POU2F3: variants seen among roughly 807,000 people sequenced by gnomAD.
The protein encoded by POU2F3 is POU class 2 homeobox 3.
Under a neutral mutation model 59.2 loss-of-function variants are expected in POU2F3, and 23 were observed. The observed-to-expected ratio is 0.39, with a 90% confidence interval of 0.28 to 0.55. POU2F3 has a LOEUF of 0.55. Ranked by LOEUF, POU2F3 falls within the 20% of genes least tolerant of loss-of-function variation. The pLI is 0.66. For missense variants in POU2F3, 473 were observed against 544.5 expected, an observed-to-expected ratio of 0.87 and a Z score of 1.31; for synonymous variants, 190 against 214.6, an observed-to-expected ratio of 0.89 and a Z score of 1.00.
upstream of POU2F3, among the ~76,000 whole-genome samples, chr11:120,236,897 C>T (rs979419301): frequency 7.9e-5 from 12 of 152,200 alleles, no homozygotes; most frequent in Admixed American, 2.0e-4. Context: ...GTAGAAACGT[C>T]TCTGCTGAGC....
At chr11:120,287,485 G>C (rs539489848) in intron 3 of POU2F3, among the ~76,000 whole-genome samples, 1 of 152,262 alleles carries the variant, frequency 6.6e-6, no homozygotes, top group African/African-American at 2.4e-5. Context: ...CCTGGAACAG[G>C]TTTTCTAGAC....
At chr11:120,310,976 C>G (rs557863718) in intron 10 of POU2F3, among the ~76,000 whole-genome samples, 1 of 152,068 alleles carries the variant, frequency 6.6e-6, no homozygotes, top group African/African-American at 2.4e-5. Flanking sequence ...CAGGCTTCCC[C>G]GAGGAGATAA....
At chr11:120,283,938 T>G (rs74236011) in intron 3 of POU2F3, among the ~76,000 whole-genome samples, 11,228 of 140,660 alleles carry the variant, frequency 0.08, 470 homozygotes, top group South Asian at 0.15. Flanking sequence ...TCTAAATAAA[T>G]GCATGGAGGC....
intron 12 of POU2F3, 98 bp from the exon 13 acceptor site, chr11:120,318,255 A>C (rs61898345): frequency 0.14 from 165,561 of 1,151,386 alleles, 12,756 homozygotes; most frequent in South Asian, 0.23. Flanking sequence ...TATTACTCCT[A>C]CCTGCAAAAG....
chr11:120,242,291 G>T (rs146857697), intron 1 of POU2F3, among the ~76,000 whole-genome samples: 17 of 152,246 alleles, frequency 1.1e-4, no homozygotes, highest in African/African-American at 3.6e-4. Flanking sequence ...CTCTTTGCTG[G>T]GTCCTCCTGG....
intron 1 of POU2F3, among the ~76,000 whole-genome samples, chr11:120,243,145 G>A (rs901788825): frequency 2.0e-5 from 3 of 152,210 alleles, no homozygotes; most frequent in Non-Finnish European, 4.4e-5. Flanking sequence ...CTCCTCTGGC[G>A]GAGAGTTGGA....
chr11:120,246,647 T>G, intron 2 of POU2F3, 130 bp downstream of exon 2: 2 of 880,790 alleles, frequency 2.3e-6, no homozygotes, highest in Non-Finnish European at 3.6e-6. Flanking sequence ...TCTTAGGAAC[T>G]AAGGGAATTC....
In POU2F3 at chr11:120,299,626, C is replaced by A; in HGVS notation, c.261C>A (p.Asp87Glu). The change falls in exon 5 of 13, where the codon GAC becomes GAA. Residue 87 changes from aspartate to glutamate, a missense_variant and splice_region_variant. Transcript: ENST00000543440. ...TATGTGTATCTCTCCGTGTGTAGGACATGGCTTCCCTCCATCCGCTCCAGC... is the reference window on the plus strand; with the variant it reads ...TATGTGTATCTCTCCGTGTGTAGGAAATGGCTTCCCTCCATCCGCTCCAGC... ...MSGLNASPCQDMASLHPLQQL... is the reference protein window; with the variant it reads ...MSGLNASPCQEMASLHPLQQL... The A allele has an allele frequency of 6.2e-7, 1 of 1,613,170 alleles. No homozygotes were observed.
In POU2F3 at chr11:120,292,360, AAAAAC is replaced by A. The variant is rs1023774413; in HGVS notation, c.133-5900_133-5896del. ...GCCCAGGGATATGTTAAAAAACAAAAAAAACAAAAACAAAAACAAAAAAAAAGTGT... is the reference window on the plus strand; with the variant it reads ...GCCCAGGGATATGTTAAAAAACAAAAAAAAACAAAAACAAAAAAAAAGTGT... On this transcript the variant is annotated intron_variant, in intron 3 of 12. Coordinates refer to ENST00000543440, the MANE Select transcript of POU2F3 (RefSeq NM_014352.4). Among the ~76,000 whole-genome samples the A allele has an allele frequency of 1.8e-4, 24 of 130,680 alleles. 1 individual carries two copies. The East Asian group carries it at 4.0e-3, about 22-fold the overall frequency. The allele number at this position is 130,680 out of a possible 152,430, so 85.7% of individuals were successfully genotyped here. A position where few individuals can be genotyped will look rare whatever the true frequency, so the allele number is the denominator to read the frequency against.
At chr11:120,293,106 C>T (rs2135267661) in intron 3 of POU2F3, among the ~76,000 whole-genome samples, 1 of 152,266 alleles carries the variant, frequency 6.6e-6, no homozygotes, top group Non-Finnish European at 1.5e-5. Flanking sequence ...CCATATGTCT[C>T]CTCTCTTCCA....
intron 2 of POU2F3, chr11:120,259,391 C>T (rs1939497908): frequency 6.6e-6 from 1 of 152,170 alleles, no homozygotes; most frequent in South Asian, 2.1e-4. Context: ...TCGGTGAGCC[C>T]TGAGTTTAGG....
chr11:120,264,485 G>A (rs974453134), intron 2 of POU2F3, among the ~76,000 whole-genome samples: 4 of 152,194 alleles, frequency 2.6e-5, no homozygotes, highest in African/African-American at 9.7e-5. Flanking sequence ...TGAAGGGTGA[G>A]TATTTTCTAG....
chr11:120,260,564 T>C (rs1212957789), intron 2 of POU2F3, among the ~76,000 whole-genome samples: 1 of 152,248 alleles, frequency 6.6e-6, no homozygotes, highest in Non-Finnish European at 1.5e-5. Flanking sequence ...AGAATTTTAG[T>C]GTGCCTTTTA....
At chr11:120,253,950 G>C (rs1309392335) in intron 2 of POU2F3, among the ~76,000 whole-genome samples, 2 of 152,132 alleles carry the variant, frequency 1.3e-5, no homozygotes, top group Non-Finnish European at 2.9e-5. Context: ...TCTGTCCTTT[G>C]CTGACCGGGG....
At chr11:120,240,873 C>A (rs964475318) in intron 1 of POU2F3, among the ~76,000 whole-genome samples, 12 of 152,080 alleles carry the variant, frequency 7.9e-5, no homozygotes, top group Non-Finnish European at 1.8e-4. Context: ...TACAGAGGTG[C>A]CCCTGGGGCA....
Position 120,258,963 on chromosome 11 carries a change from G to GA in POU2F3, c.98-10246dup, listed in dbSNP as rs1244089139. ...GGTTGTATTTCCTAACGAACAAAGA[G>GA]ACCTTGCTGAGGAACCTTCCCTTTC... On this transcript the variant is annotated intron_variant, in intron 2 of 12. Coordinates refer to ENST00000543440, the MANE Select transcript of POU2F3 (RefSeq NM_014352.4). The GA allele has an allele frequency of 2.6e-5, 4 of 152,320 alleles. No homozygotes were observed. In the East Asian group the frequency reaches 7.7e-4, roughly 29 times the overall value. The allele number at this position is 152,320 out of a possible 1,614,324, so 9.4% of individuals were successfully genotyped here.
At chr11:120,250,874 G>T (rs1342037919) in intron 2 of POU2F3, among the ~76,000 whole-genome samples, 2 of 152,108 alleles carry the variant, frequency 1.3e-5, no homozygotes, top group African/African-American at 4.8e-5. Context: ...CTACTCAGGG[G>T]GCTGAGGCAG....
intron 7 of POU2F3, 194 bp from the exon 8 acceptor site, chr11:120,305,450 C>T: frequency 1.0e-6 from 1 of 986,894 alleles, no homozygotes; most frequent in East Asian, 2.5e-5. Context: ...TGGGCGTGGT[C>T]CACTGAGAGT....
At chr11:120,281,178 T>A (rs1591410152) in intron 3 of POU2F3, among the ~76,000 whole-genome samples, 1 of 152,048 alleles carries the variant, frequency 6.6e-6, no homozygotes, top group African/African-American at 2.4e-5. Context: ...GTGCTGTTTC[T>A]GTGTCCCTGT....
Sources: gnomAD v4.1 joint callset for allele counts (sites outside exome capture counted in the v4.1 genomes callset) on GRCh38, gnomAD v4.1.1 for gene constraint, MANE v1.5 for transcripts, NCBI Gene and HGNC (gene_info 2026-07-23, HGNC 2026-07-21) for gene names.